The following BLK variants were observed in gnomAD, a reference collection of about 807,000 sequenced individuals.
The protein encoded by BLK is tyrosine-protein kinase Blk.
BLK carries 64 observed loss-of-function variants against 61.8 expected under a neutral mutation model. The observed-to-expected ratio is 1.03, with a 90% CI of 0.85 to 1.27. The LOEUF (loss-of-function observed/expected upper bound fraction) is 1.27, where lower values mean the gene tolerates loss of function less well. Ranked by LOEUF, BLK falls within the 50% of genes most tolerant of loss-of-function variation. The pLI is 0.00. For synonymous variants in BLK, 351 were observed against 272.0 expected (o/e 1.29, Z -2.86); for missense variants, 853 against 660.5 (o/e 1.29, Z -3.19).
chr8:11,504,758 T>A (rs1452689793), intron 1 of BLK, among the ~76,000 whole-genome samples: 2 of 152,200 alleles, frequency 1.3e-5, no homozygotes, highest in African/African-American at 4.8e-5. Flanking sequence ...TGAGGCCTGA[T>A]AAGGGTGCTG....
rs537414136 is a variant in BLK at position 11,536,580 on chromosome 8, G to A, written c.-1-6644G>A. Reference sequence around the variant, plus strand: ...ATAGGCACGTGCCTGGCTAATTTTTGTATTTGTGGTAGAGACGGGGTTTCA... The same window carrying A: ...ATAGGCACGTGCCTGGCTAATTTTTATATTTGTGGTAGAGACGGGGTTTCA... On this transcript the variant is annotated intron_variant, in intron 1 of 12. Transcript: ENST00000259089. 1.1e-4 allele frequency among the ~76,000 whole-genome samples: 17 copies of A among 152,058 alleles called. No individual in the cohort carries two copies. In the South Asian group the frequency reaches 3.3e-3, roughly 30 times the overall value.
At chr8:11,549,730 C>T (rs747909033) in intron 5 of BLK, among the ~76,000 whole-genome samples, 2 of 152,206 alleles carry the variant, frequency 1.3e-5, no homozygotes, top group African/African-American at 4.8e-5. Flanking sequence ...TGGGGCTGTC[C>T]TGCACAGAAC....
chr8:11,542,791 A>G (rs1172831071), intron 1 of BLK, among the ~76,000 whole-genome samples: 1 of 152,224 alleles, frequency 6.6e-6, no homozygotes. Context: ...CCTGCTGTTT[A>G]CCAAAGAGCT....
intron 2 of BLK, among the ~76,000 whole-genome samples, chr8:11,544,520 T>C (rs1181828719): frequency 6.6e-6 from 1 of 152,178 alleles, no homozygotes. Context: ...AACCACAAGA[T>C]GTTTATTGAA....
At chr8:11,525,462 A>G (rs1258985094) in intron 1 of BLK, among the ~76,000 whole-genome samples, 1 of 140,060 alleles carries the variant, frequency 7.1e-6, no homozygotes, top group Non-Finnish European at 1.5e-5. Context: ...AAGCAGGATT[A>G]TATCATACAA....
chr8:11,494,861 G>A (rs1364855728), intron 1 of BLK, among the ~76,000 whole-genome samples: 1 of 152,252 alleles, frequency 6.6e-6, no homozygotes, highest in Admixed American at 6.5e-5. Flanking sequence ...CCACAGAGGA[G>A]AGAAGGGACG....
intron 1 of BLK, among the ~76,000 whole-genome samples, chr8:11,527,822 G>C (rs1799722541): frequency 6.6e-6 from 1 of 151,994 alleles, no homozygotes. Context: ...TTCTGCAATA[G>C]TGATGTTATC....
At chr8:11,553,784 G>C (rs1285414597) in intron 6 of BLK, among the ~76,000 whole-genome samples, 1 of 152,204 alleles carries the variant, frequency 6.6e-6, no homozygotes, top group Non-Finnish European at 1.5e-5. Flanking sequence ...AGTAGGTGAT[G>C]AGAGAGGCAC....
At position 11,563,001 on chromosome 8, in the gene BLK, G is replaced by A. The variant is rs1254453742; in HGVS notation, c.1203G>A (p.Trp401Ter). 1 of 1,614,154 alleles carries A rather than the reference G, an allele frequency of 6.2e-7. No individual in the cohort carries two copies. Among genetic ancestry groups the A allele is most frequent in the African/African-American group, 1.3e-5 (1 of 75,080 alleles). ...AQEGAKFPIK[W>*]TAPEAIHFGV... is the part of the protein sequence containing the mutation. ...CAGGGGCCAAGTTCCCCATCAAGTG[G>A]ACAGCCCCGGAAGCCATCCACTTCG... The change falls in exon 12 of 13, where the codon TGG (tryptophan) becomes TGA (stop). Residue 401 changes from tryptophan (W) to a stop codon, truncating the protein, a stop_gained. Coordinates refer to ENST00000259089, the MANE Select transcript of BLK (RefSeq NM_001715.3). LOFTEE classifies it high-confidence loss of function.
intron 1 of BLK, among the ~76,000 whole-genome samples, chr8:11,534,876 T>C (rs2117396259): frequency 6.6e-6 from 1 of 152,176 alleles, no homozygotes; most frequent in East Asian, 1.9e-4. Context: ...CATTTAAAAG[T>C]ATTGCACAAG....
chr8:11,529,092 T>A (rs1297041717), intron 1 of BLK, among the ~76,000 whole-genome samples: 2 of 152,246 alleles, frequency 1.3e-5, no homozygotes, highest in South Asian at 4.1e-4. Context: ...ACGTACCCCA[T>A]AACTTAAAAT....
At chr8:11,526,142 T>C (rs79846785) in intron 1 of BLK, among the ~76,000 whole-genome samples, 3,584 of 152,338 alleles carry the variant, frequency 0.024, 86 homozygotes, top group African/African-American at 0.059. Context: ...CCAATATCTC[T>C]GAGCTAAATA....
chr8:11,547,734 C>G (rs1226628491), intron 3 of BLK, among the ~76,000 whole-genome samples: 2 of 152,006 alleles, frequency 1.3e-5, no homozygotes, highest in African/African-American at 4.8e-5. Flanking sequence ...AGGCCACCAG[C>G]AGCCCGGCAG....
chr8:11,559,412 C>CAG (rs1285432221), intron 10 of BLK, among the ~76,000 whole-genome samples: 3 of 151,784 alleles, frequency 2.0e-5, no homozygotes, highest in African/African-American at 2.4e-5. Flanking sequence ...CACACAGACA[C>CAG]ACAGACTCAC....
At chr8:11,562,947 G>A in intron 11 of BLK, 32 bp from the exon 12 acceptor site, 2 of 1,613,458 alleles carry the variant, frequency 1.2e-6, no homozygotes, top group Non-Finnish European at 1.7e-6. Flanking sequence ...ACCGGCCGTG[G>A]CCTCCCAAAG....
chr8:11,532,851 T>G (rs539039963), intron 1 of BLK, among the ~76,000 whole-genome samples: 1 of 152,198 alleles, frequency 6.6e-6, no homozygotes, highest in African/African-American at 2.4e-5. Flanking sequence ...CTTTAGAGAG[T>G]GTCACACTTG....
At position 11,533,113 on chromosome 8, in the gene BLK, T is replaced by C. The variant is rs896216671; in HGVS notation, c.-1-10111T>C. On this transcript the variant is annotated intron_variant, in intron 1 of 12. Transcript: ENST00000259089. ...TCATTAGTATTCATGTTTTATGTGA[T>C]AGGCAAATCCTGCAACCGTTTTATG... 3.8e-4 allele frequency among the ~76,000 whole-genome samples: 58 copies of C among 152,084 alleles called. 1 individual carries two copies. The highest frequency in any genetic ancestry group is 1.4e-3 in the African/African-American group (56 of 41,374).
chr8:11,557,182 A>G (rs1186918953), intron 9 of BLK, among the ~76,000 whole-genome samples: 3 of 152,180 alleles, frequency 2.0e-5, no homozygotes, highest in East Asian at 1.9e-4. Context: ...CAGGGACAGT[A>G]CTAGATCCAG....
chr8:11,556,277 C>G (rs970878693), intron 8 of BLK: 5 of 335,636 alleles, frequency 1.5e-5, no homozygotes, highest in Non-Finnish European at 2.9e-5. Context: ...ATGCGTCATC[C>G]TCCTGCCCAG....
Sources: allele counts gnomAD v4.1 joint callset (sites outside exome capture counted in the v4.1 genomes callset), GRCh38; gene constraint gnomAD v4.1.1; transcripts MANE v1.5; gene names NCBI Gene and HGNC (gene_info 2026-07-23, HGNC 2026-07-21).